The following ZBTB20 variants were observed in gnomAD, a reference collection of about 807,000 sequenced individuals.
The protein encoded by ZBTB20 is zinc finger and BTB domain containing 20, also known as zinc finger and BTB domain-containing protein 20.
Under a neutral mutation model 56.9 loss-of-function variants are expected in ZBTB20, and 9 were observed. The observed-to-expected ratio is 0.16, with a 90% CI of 0.10 to 0.28. ZBTB20 has a LOEUF of 0.28. Among genes scored for constraint, ZBTB20 ranks in the 10% least tolerant of loss-of-function variants. ZBTB20 has a pLI of 1.00. For synonymous variants in ZBTB20, 417 were observed against 420.7 expected (o/e 0.99, Z 0.11); for missense variants, 655 against 1,003.0 (o/e 0.65, Z 4.69).
rs2079159481 is a variant in ZBTB20 at position 114,329,284 on chromosome 3, G to A, written c.*9721C>T. ...CTTCATATTGGACCAGTGTGAGGGG[G>A]TCTTTTATACTGAGGTTTTAAAAAC... is the stretch of plus-strand genomic sequence containing the variant. On this transcript the variant is annotated 3_prime_UTR_variant, in exon 12 of 12. Coordinates refer to ENST00000675478, the MANE Select transcript of ZBTB20 (RefSeq NM_001348800.3). 1 of 152,156 alleles carries A rather than the reference G, an allele frequency of 6.6e-6. No individual in the cohort carries two copies. The highest frequency in any genetic ancestry group is 1.5e-5 in the Non-Finnish European group (1 of 68,018). The allele number at this position is 152,156 out of a possible 1,614,324, so 9.4% of individuals were successfully genotyped here.
chr3:114,403,913 T>A (rs958344711), intron 7 of ZBTB20, among the ~76,000 whole-genome samples: 1 of 152,156 alleles, frequency 6.6e-6, no homozygotes, highest in Non-Finnish European at 1.5e-5. Flanking sequence ...CTCTCGAGTC[T>A]CATTTTTCTC....
chr3:115,050,380 T>C (rs909263222), intron 2 of ZBTB20, among the ~76,000 whole-genome samples: 3 of 151,938 alleles, frequency 2.0e-5, no homozygotes, highest in African/African-American at 7.2e-5. Flanking sequence ...AAGAGTTTTT[T>C]TATGATAAAA....
intron 10 of ZBTB20, among the ~76,000 whole-genome samples, chr3:114,379,894 T>C (rs2084104816): frequency 1.3e-5 from 2 of 152,210 alleles, no homozygotes; most frequent in Admixed American, 6.5e-5. Context: ...ATTTAGTAAT[T>C]GTGGAAGTGC....
intron 2 of ZBTB20, among the ~76,000 whole-genome samples, chr3:115,050,347 CTCATA>C (rs1239928653): frequency 1.3e-5 from 2 of 151,690 alleles, no homozygotes; most frequent in African/African-American, 4.8e-5. Context: ...ATATTTGTCT[CTCATA>C]TCTAAAGCTC....
intron 1 of ZBTB20, among the ~76,000 whole-genome samples, chr3:115,128,697 AAGGGGAGGGCAGTGGAGGGG>A (rs1553899178): frequency 8.3e-6 from 1 of 120,916 alleles, no homozygotes; most frequent in Non-Finnish European, 1.7e-5. Context: ...AAGGGAAGGG[AAGGGGAGGGCAGTGGAGGGG>A]AGGGGAGGGC....
chr3:114,382,833 C>T (rs2084552755), intron 8 of ZBTB20, among the ~76,000 whole-genome samples: 1 of 152,156 alleles, frequency 6.6e-6, no homozygotes, highest in Non-Finnish European at 1.5e-5. Flanking sequence ...TTCCTTCTCT[C>T]CTGTCATTCA....
chr3:115,012,633 C>A (rs893991919), intron 2 of ZBTB20, among the ~76,000 whole-genome samples: 7 of 151,748 alleles, frequency 4.6e-5, no homozygotes, highest in African/African-American at 1.4e-4. Context: ...GACTTTAACA[C>A]CCCACTTTCA....
At chr3:114,543,837 G>A (rs2049406588) in intron 6 of ZBTB20, among the ~76,000 whole-genome samples, 1 of 152,084 alleles carries the variant, frequency 6.6e-6, no homozygotes, top group African/African-American at 2.4e-5. Flanking sequence ...CTTAACTCAA[G>A]AACTTTTGAA....
intron 3 of ZBTB20, among the ~76,000 whole-genome samples, chr3:114,964,403 C>T (rs1034980865): frequency 1.1e-4 from 17 of 151,936 alleles, no homozygotes; most frequent in Admixed American, 2.0e-4. Context: ...CAACAGAGTG[C>T]GAGTCTGTCT....
chr3:114,965,530 A>G (rs1440071344), intron 3 of ZBTB20, among the ~76,000 whole-genome samples: 2 of 152,280 alleles, frequency 1.3e-5, no homozygotes, highest in East Asian at 1.9e-4. Context: ...AAGTGAGATC[A>G]TGCAGCATTT....
intron 5 of ZBTB20, among the ~76,000 whole-genome samples, chr3:114,710,856 ATGGCC>A (rs1185425231): frequency 6.6e-6 from 1 of 152,120 alleles, no homozygotes; most frequent in African/African-American, 2.4e-5. Flanking sequence ...AGTCTTTATC[ATGGCC>A]TGTGTGAGCT....
At chr3:114,479,317 A>G (rs1160460408) in intron 7 of ZBTB20, among the ~76,000 whole-genome samples, 1 of 152,208 alleles carries the variant, frequency 6.6e-6, no homozygotes, top group Non-Finnish European at 1.5e-5. Flanking sequence ...CACCATGTAA[A>G]TAATAGAAGT....
chr3:114,689,150 A>T (rs1435543092), intron 6 of ZBTB20, among the ~76,000 whole-genome samples: 1 of 152,130 alleles, frequency 6.6e-6, no homozygotes, highest in Non-Finnish European at 1.5e-5. Context: ...TTCCTTCACC[A>T]CTCTAGGTAG....
intron 1 of ZBTB20, among the ~76,000 whole-genome samples, chr3:115,110,330 T>C (rs193245480): frequency 9.2e-5 from 14 of 152,260 alleles, no homozygotes. Context: ...CAACAGGCCA[T>C]AGGGATGATT....
At chr3:114,541,057 C>T (rs924533508) in intron 6 of ZBTB20, among the ~76,000 whole-genome samples, 1 of 151,958 alleles carries the variant, frequency 6.6e-6, no homozygotes, top group Non-Finnish European at 1.5e-5. Context: ...AATAGTAAGA[C>T]CATACATTAG....
intron 4 of ZBTB20, among the ~76,000 whole-genome samples, chr3:114,859,731 C>CT (rs894863542): frequency 3.3e-5 from 5 of 151,580 alleles, no homozygotes; most frequent in East Asian, 1.9e-4. Context: ...TGAAGAAATA[C>CT]TTTTTTTTGA....
At chr3:114,562,530 T>C (rs932632566) in intron 6 of ZBTB20, among the ~76,000 whole-genome samples, 3 of 152,224 alleles carry the variant, frequency 2.0e-5, no homozygotes, top group African/African-American at 4.8e-5. Flanking sequence ...TTCTTTTCAT[T>C]AGTGTTTTCA....
At chr3:115,091,720 A>C (rs1486336036) in intron 1 of ZBTB20, among the ~76,000 whole-genome samples, 1 of 147,900 alleles carries the variant, frequency 6.8e-6, no homozygotes, top group East Asian at 2.0e-4. Context: ...ATACATACAT[A>C]TATATATATA....
chr3:114,465,661 C>T (rs965316533), intron 7 of ZBTB20, among the ~76,000 whole-genome samples: 12 of 151,208 alleles, frequency 7.9e-5, no homozygotes, highest in Admixed American at 5.9e-4. Context: ...GAGCCGAGAT[C>T]GCACCATTGC....
Sources: allele counts gnomAD v4.1 joint callset (sites outside exome capture counted in the v4.1 genomes callset), GRCh38; gene constraint gnomAD v4.1.1; transcripts MANE v1.5; gene names NCBI Gene and HGNC (gene_info 2026-07-23, HGNC 2026-07-21).